CDHR1: variants seen among roughly 807,000 people sequenced by gnomAD.
CDHR1 encodes the protein cadherin-related family member 1.
In CDHR1, 61 loss-of-function variants were observed where a neutral mutation model predicts 72.1. The ratio of observed to expected loss-of-function variants is 0.85; its 90% CI spans 0.69 to 1.05. The LOEUF is 1.05. Ranked by LOEUF, CDHR1 falls within the 50% of genes least tolerant of loss-of-function variation. CDHR1 has a pLI of 0.00. For missense variants in CDHR1, 1,186 were observed against 1,115.7 expected, an observed-to-expected ratio of 1.06 and a Z score of -0.90; for synonymous variants, 470 against 448.1, an observed-to-expected ratio of 1.05 and a Z score of -0.62.
chr10:84,195,020 G>A (rs535280198), intron 1 of CDHR1, among the ~76,000 whole-genome samples: 1 of 152,166 alleles, frequency 6.6e-6, no homozygotes. Context: ...GCTCCGGGGC[G>A]CTTCTCCAGA....
chr10:84,198,675 C>T (rs953165483), intron 4 of CDHR1, among the ~76,000 whole-genome samples: 2 of 152,240 alleles, frequency 1.3e-5, no homozygotes, highest in African/African-American at 4.8e-5. Context: ...TGTGTGTGCG[C>T]TGGTGCAGTG....
chr10:84,205,546 G>A (rs878869735), intron 9 of CDHR1, among the ~76,000 whole-genome samples: 23 of 102,130 alleles, frequency 2.3e-4, no homozygotes, highest in African/African-American at 7.6e-4. Context: ...ACACACACAC[G>A]TGCACACATG....
Position 84,203,038 on chromosome 10 carries a change from C to T in CDHR1, c.698C>T (p.Thr233Met), listed in dbSNP as rs373314306. The T allele has an allele frequency of 9.3e-6, 15 of 1,614,072 alleles. No homozygotes were observed. In the African/African-American group the frequency reaches 9.3e-5, roughly 10 times the overall value. The change falls in exon 8 of 17, where the codon ACG becomes ATG. Residue 233 changes from threonine to methionine, a missense_variant. Thr to Met is a moderately conservative substitution (Grantham distance 81). Coordinates refer to ENST00000623527, the MANE Select transcript of CDHR1 (RefSeq NM_033100.4). ...GTGTTCTCAGCCACCACCACGGTCA[C>T]GGTCAATGTGGAGGATGTTCAGGAC... is the stretch of plus-strand genomic sequence containing the variant. ...DVVFSATTTV[T>M]VNVEDVQDMA...
At chr10:84,205,991 G>T (rs1842219513) in intron 10 of CDHR1, 64 bp downstream of exon 10, 2 of 1,258,656 alleles carry the variant, frequency 1.6e-6, no homozygotes, top group Non-Finnish European at 2.3e-6. Flanking sequence ...TAAAGGTGAA[G>T]ACACCCAGGC....
chr10:84,208,055 G>A (rs1208235880), intron 10 of CDHR1, 119 bp from the exon 11 acceptor site: 1 of 870,206 alleles, frequency 1.1e-6, no homozygotes, highest in African/African-American at 1.7e-5. Context: ...TTAGAACCAA[G>A]TTGCTAAGCC....
In CDHR1 at chr10:84,206,853, G is replaced by A. The variant is rs151044512; in HGVS notation, c.963+926G>A. 5.3e-4 allele frequency among the ~76,000 whole-genome samples: 81 copies of A among 152,360 alleles called. 2 individuals are homozygous for A. In the East Asian group the frequency reaches 0.015, roughly 29 times the overall value. On this transcript the variant is annotated intron_variant, in intron 10 of 16. Coordinates refer to ENST00000623527, the MANE Select transcript of CDHR1 (RefSeq NM_033100.4). Reference sequence around the variant, plus strand: ...ATGAGAGGTAGAGCCATCGGCCAAAGTAACAGAGGAAGACAGCCTGTGGGG... The same window carrying A: ...ATGAGAGGTAGAGCCATCGGCCAAAATAACAGAGGAAGACAGCCTGTGGGG...
chr10:84,197,695 G>A, intron 3 of CDHR1, 91 bp from the exon 4 acceptor site: 2 of 1,176,490 alleles, frequency 1.7e-6, no homozygotes, highest in South Asian at 1.2e-5. Context: ...TCCTCTGATG[G>A]GTGCGTGGGG....
At chr10:84,214,002 C>T in intron 16 of CDHR1, 80 bp from the exon 17 acceptor site, 2 of 1,586,786 alleles carry the variant, frequency 1.3e-6, no homozygotes, top group Non-Finnish European at 1.7e-6. Context: ...AACCATTAGG[C>T]TTAAGGAAGC....
Position 84,214,146 on chromosome 10 carries a change from T to A in CDHR1, c.2105T>A (p.Val702Glu), listed in dbSNP as rs778906376. Residue 702 changes from valine to glutamate, a missense_variant, in exon 17 of 17, where the codon GTG (valine) becomes GAG (glutamate). Val to Glu is a moderately radical substitution (Grantham distance 121). Coordinates refer to ENST00000623527, the MANE Select transcript of CDHR1 (RefSeq NM_033100.4). Reference sequence around the variant, plus strand: ...ACCAAGGACAACCCCATGAAGGCCGTGGGTGTGCTGGCCGGCACCATGGCC... The same window carrying A: ...ACCAAGGACAACCCCATGAAGGCCGAGGGTGTGCTGGCCGGCACCATGGCC... ...IQTKDNPMKA[V>E]GVLAGTMATV... 39 of 1,614,014 alleles carry A rather than the reference T, an allele frequency of 2.4e-5. No individual in the cohort carries two copies. The highest frequency in any genetic ancestry group is 3.3e-5 in the Non-Finnish European group (39 of 1,180,012).
chr10:84,213,362 C>T lies in CDHR1; in HGVS notation c.2040+14C>T. 1 of 1,614,058 alleles carries T rather than the reference C, an allele frequency of 6.2e-7. No individual in the cohort carries two copies. The highest frequency in any genetic ancestry group is 8.5e-7 in the Non-Finnish European group (1 of 1,180,018). On this transcript the variant is annotated intron_variant, in intron 16 of 16. Transcript: ENST00000623527. ...ACAGATGCTGAGGTGAGTACAAAGC[C>T]ATGGTCAGGAAAAAGGGGTCAGCAG...
chr10:84,213,198 G>T lies in CDHR1; in HGVS notation c.1890G>T (p.Trp630Cys). ...FDINSHTGEI[W>C]LKNSIRSLDA... is the part of the protein sequence containing the mutation. ...TCAATTCCCACACGGGGGAGATCTG[G>T]CTCAAGAATTCCATCCGCTCCCTGG... The change falls in exon 16 of 17, where the codon TGG becomes TGT. Residue 630 changes from tryptophan to cysteine, a missense_variant. By Grantham distance (215) the Trp-to-Cys change is radical (BLOSUM62 -2). Coordinates refer to ENST00000623527, the MANE Select transcript of CDHR1 (RefSeq NM_033100.4). 1 of 1,614,206 alleles carries T rather than the reference G, an allele frequency of 6.2e-7. No homozygotes were observed. The highest frequency in any genetic ancestry group is 8.5e-7 in the Non-Finnish European group (1 of 1,180,042).
Position 84,194,834 on chromosome 10 carries a change from G to T in CDHR1, c.55+19G>T. ...TGCTTGGGTGAGTGGCCGCTGGGCC[G>T]CGCTGGCCGCGTGGATGGCGAGGGA... is the stretch of plus-strand genomic sequence containing the variant. On this transcript the variant is annotated intron_variant, in intron 1 of 16. Coordinates refer to ENST00000623527, the MANE Select transcript of CDHR1 (RefSeq NM_033100.4). 5 of 1,532,710 alleles carry T rather than the reference G, an allele frequency of 3.3e-6. No homozygotes were observed. Among genetic ancestry groups the T allele is most frequent in the Non-Finnish European group, 4.4e-6 (5 of 1,145,424 alleles). The allele number at this position is 1,532,710 out of a possible 1,614,324, so 94.9% of individuals were successfully genotyped here. A position where few individuals can be genotyped will look rare whatever the true frequency, so the allele number is the denominator to read the frequency against.
intron 8 of CDHR1, among the ~76,000 whole-genome samples, 173 bp downstream of exon 8, chr10:84,203,296 C>T (rs917322353): frequency 2.6e-5 from 4 of 152,244 alleles, no homozygotes; most frequent in African/African-American, 9.6e-5. Context: ...CCTTTTGCCC[C>T]CAACTAGACC....
At chr10:84,212,438 A>G in intron 15 of CDHR1, 31 bp downstream of exon 15, 3 of 1,567,410 alleles carry the variant, frequency 1.9e-6, no homozygotes, top group Middle Eastern at 1.7e-4. Context: ...AGCTCCCCTA[A>G]AAGCCTGGGT....
intron 4 of CDHR1, among the ~76,000 whole-genome samples, chr10:84,198,317 G>A (rs895782907): frequency 1.6e-4 from 25 of 152,236 alleles, no homozygotes; most frequent in African/African-American, 5.8e-4. Context: ...CTGAGGCTGG[G>A]AAAGCACTAA....
Position 84,218,161 on chromosome 10 carries a change from G to A in CDHR1, c.*3540G>A, listed in dbSNP as rs1231001054. ...AGGGAGAATGGAGAAGATGCCACAT[G>A]AGGAATGAGGCAGGAGACTGGCATG... On this transcript the variant is annotated 3_prime_UTR_variant, in exon 17 of 17. Coordinates refer to ENST00000623527, the MANE Select transcript of CDHR1 (RefSeq NM_033100.4). The A allele has an allele frequency of 1.0e-6, 1 of 985,338 alleles. No individual in the cohort carries two copies. Among genetic ancestry groups the A allele is most frequent in the African/African-American group, 1.7e-5 (1 of 57,244 alleles). The allele number at this position is 985,338 out of a possible 1,614,324, so 61.0% of individuals were successfully genotyped here.
At chr10:84,205,513 T>TACACACACACACAC (rs1261823373) in intron 9 of CDHR1, among the ~76,000 whole-genome samples, 1 of 73,546 alleles carries the variant, frequency 1.4e-5, no homozygotes, top group African/African-American at 7.3e-5. Flanking sequence ...TTCTCTTTTC[T>TACACACACACACAC]TCACACACAC....
chr10:84,219,071 T>C, downstream of CDHR1: 1 of 940,486 alleles, frequency 1.1e-6, no homozygotes, highest in Non-Finnish European at 1.6e-6. Context: ...TATTATTCTA[T>C]TTTATAGGTG....
intron 6 of CDHR1, among the ~76,000 whole-genome samples, chr10:84,201,211 C>G (rs74145717): frequency 0.026 from 3,938 of 152,244 alleles, 158 homozygotes; most frequent in African/African-American, 0.088. Flanking sequence ...CATCCTTGTT[C>G]CATTGTTCTG....
Sources: gnomAD v4.1 joint callset for allele counts (sites outside exome capture counted in the v4.1 genomes callset) on GRCh38, gnomAD v4.1.1 for gene constraint, MANE v1.5 for transcripts, NCBI Gene and HGNC (gene_info 2026-07-23, HGNC 2026-07-21) for gene names.